Variants in KCTD13 observed in about 807,000 individuals in gnomAD.
The protein encoded by KCTD13 is BTB/POZ domain-containing adapter for CUL3-mediated RhoA degradation protein 1.
KCTD13 carries 15 observed loss-of-function variants against 32.3 expected under a neutral mutation model. That is an observed-to-expected ratio of 0.46 (90% CI 0.31 to 0.71). The LOEUF (loss-of-function observed/expected upper bound fraction) is 0.71. Ranked by LOEUF, KCTD13 falls within the 30% of genes least tolerant of loss-of-function variation. The pLI is 0.05. For missense variants in KCTD13, 337 were observed against 452.6 expected (o/e 0.74, Z 2.32); for synonymous variants, 189 against 200.1 (o/e 0.94, Z 0.47).
At chr16:29,918,367 T>C (rs1169511542) in intron 2 of KCTD13, among the ~76,000 whole-genome samples, 1 of 152,240 alleles carries the variant, frequency 6.6e-6, no homozygotes, top group Non-Finnish European at 1.5e-5. Context: ...ATATTAACAA[T>C]ATTATGGGTT....
At chr16:29,923,509 G>C (rs1329040083) in intron 1 of KCTD13, 150 bp from the exon 2 acceptor site, 1 of 646,510 alleles carries the variant, frequency 1.5e-6, no homozygotes, top group Non-Finnish European at 2.6e-6. Flanking sequence ...CTCCCATCTC[G>C]GCCTCCCAAG....
intron 2 of KCTD13, chr16:29,920,549 A>C (rs2068892344): frequency 6.6e-6 from 1 of 152,234 alleles, no homozygotes. Context: ...CCTGCTAAGC[A>C]ACATGAAAAA....
At chr16:29,918,906 C>T (rs1301310951) in intron 2 of KCTD13, among the ~76,000 whole-genome samples, 2 of 151,430 alleles carry the variant, frequency 1.3e-5, no homozygotes, top group Non-Finnish European at 2.9e-5. Flanking sequence ...GATCCACCTG[C>T]CTCAGCCTCC....
At chr16:29,918,278 AAATGTAAC>A (rs2068844087) in intron 2 of KCTD13, among the ~76,000 whole-genome samples, 1 of 152,210 alleles carries the variant, frequency 6.6e-6, no homozygotes, top group Non-Finnish European at 1.5e-5. Context: ...AGCAACAAGG[AAATGTAAC>A]AATGATAGAG....
chr16:29,918,396 T>G (rs981851664), intron 2 of KCTD13, among the ~76,000 whole-genome samples: 11 of 152,236 alleles, frequency 7.2e-5, no homozygotes, highest in African/African-American at 2.7e-4. Context: ...TGGCCCAACG[T>G]GAAATACATA....
rs184536409 is a variant in KCTD13 at position 29,911,872 on chromosome 16, C to G, written c.505-5G>C. ...GTGCAGGAGCTTCACCACGGGCTGG[C>G]GGGGGAGAGAGGATGGACGAGAGGG... On this transcript the variant is annotated splice_region_variant and splice_polypyrimidine_tract_variant and intron_variant, in intron 3 of 5. Coordinates refer to ENST00000568000, the MANE Select transcript of KCTD13 (RefSeq NM_178863.5). 2.3e-5 allele frequency: 37 copies of G among 1,611,906 alleles called. No homozygotes were observed. The African/African-American group carries it at 4.8e-4, about 21-fold the overall frequency.
At chr16:29,923,987 C>A (rs2068956224) in intron 1 of KCTD13, among the ~76,000 whole-genome samples, 1 of 152,020 alleles carries the variant, frequency 6.6e-6, no homozygotes, top group African/African-American at 2.4e-5. Context: ...CCAGCCTGAC[C>A]AACATGGAGA....
intron 1 of KCTD13, 194 bp downstream of exon 1, chr16:29,925,596 T>C (rs915107844): frequency 1.9e-5 from 11 of 580,612 alleles, no homozygotes; most frequent in East Asian, 6.3e-5. Context: ...GGGTAAAGGA[T>C]TGGGGGAGGA....
intron 1 of KCTD13, among the ~76,000 whole-genome samples, chr16:29,925,320 G>A (rs2068976216): frequency 6.6e-6 from 1 of 152,158 alleles, no homozygotes; most frequent in South Asian, 2.1e-4. Context: ...TGTGTCAGGG[G>A]AACACAGAGG....
chr16:29,911,733 G>A, intron 4 of KCTD13, 82 bp downstream of exon 4: 1 of 1,474,512 alleles, frequency 6.8e-7, no homozygotes, highest in South Asian at 1.1e-5. Flanking sequence ...CCCCCCGTGT[G>A]GCCGTGGCCC....
At chr16:29,923,668 C>G (rs1451177929) in intron 1 of KCTD13, among the ~76,000 whole-genome samples, 1 of 151,838 alleles carries the variant, frequency 6.6e-6, no homozygotes, top group Non-Finnish European at 1.5e-5. Context: ...TTGAGACTAG[C>G]AGGACCAACA....
intron 2 of KCTD13, among the ~76,000 whole-genome samples, chr16:29,916,918 G>A (rs1470766206): frequency 6.6e-6 from 1 of 152,082 alleles, no homozygotes; most frequent in African/African-American, 2.4e-5. Context: ...GCTTGCTGTC[G>A]GCAGGGGCTT....
chr16:29,910,886 G>A, intron 5 of KCTD13, 92 bp downstream of exon 5: 1 of 1,179,088 alleles, frequency 8.5e-7, no homozygotes, highest in Non-Finnish European at 1.2e-6. Flanking sequence ...GCCTCCTGGT[G>A]GTGGGCTCCT....
intron 5 of KCTD13, among the ~76,000 whole-genome samples, chr16:29,909,889 G>C (rs2068675526): frequency 6.6e-6 from 1 of 151,718 alleles, no homozygotes; most frequent in Non-Finnish European, 1.5e-5. Context: ...GACCAACATG[G>C]CGAAGTCTCT....
chr16:29,922,444 G>A (rs553411917), intron 2 of KCTD13: 1 of 152,278 alleles, frequency 6.6e-6, no homozygotes, highest in East Asian at 1.9e-4. Context: ...TCACTACTTT[G>A]TACTTATTTT....
intron 5 of KCTD13, among the ~76,000 whole-genome samples, chr16:29,908,716 T>G (rs1241502904): frequency 6.6e-6 from 1 of 150,478 alleles, no homozygotes; most frequent in Non-Finnish European, 1.5e-5. Context: ...TGTTTGTTTG[T>G]TTCTAAGACA....
At chr16:29,924,719 CCTTT>C (rs2068967532) in intron 1 of KCTD13, among the ~76,000 whole-genome samples, 1 of 148,458 alleles carries the variant, frequency 6.7e-6, no homozygotes, top group South Asian at 2.1e-4. Context: ...TGAATTCTTC[CCTTT>C]TTTTTTTTTT....
rs756022069 is a variant in KCTD13 at position 29,925,782 on chromosome 16, G to A, written c.244+8C>T. The A allele has an allele frequency of 4.7e-5, 76 of 1,612,630 alleles. No homozygotes were observed. Among genetic ancestry groups the A allele is most frequent in the Non-Finnish European group, 6.2e-5 (73 of 1,179,736 alleles). On this transcript the variant is annotated splice_region_variant and intron_variant, in intron 1 of 5. Transcript: ENST00000568000. The stretch of plus-strand genomic sequence containing the variant: ...GGGGTGGGGGCACGGTAGGGGCGCC[G>A]CTCGTACCTCCGGCATCGGTCAGCA...
chr16:29,914,885 T>C (rs1240468472), intron 2 of KCTD13: 1 of 151,894 alleles, frequency 6.6e-6, no homozygotes, highest in Non-Finnish European at 1.5e-5. Flanking sequence ...CGTGTGCCTG[T>C]CATCCCAGCT....
Sources: allele counts gnomAD v4.1 joint callset (sites outside exome capture counted in the v4.1 genomes callset), GRCh38; gene constraint gnomAD v4.1.1; transcripts MANE v1.5; gene names NCBI Gene and HGNC (gene_info 2026-07-23, HGNC 2026-07-21).